Variants in AP3S1 observed in about 807,000 individuals in gnomAD.
AP3S1 encodes the protein adaptor related protein complex 3 subunit sigma 1, also known as AP-3 complex subunit sigma-1.
In AP3S1, 12 loss-of-function variants were observed where a neutral mutation model predicts 21.3. The ratio of observed to expected loss-of-function variants is 0.56; its 90% CI spans 0.36 to 0.91. AP3S1 has a LOEUF of 0.91. Ranked by LOEUF, AP3S1 falls within the 40% of genes least tolerant of loss-of-function variation. The pLI is 0.01. For missense variants in AP3S1, 116 were observed against 225.0 expected, an observed-to-expected ratio of 0.52 and a Z score of 3.10; for synonymous variants, 48 against 78.4, an observed-to-expected ratio of 0.61 and a Z score of 2.05.
intron 3 of AP3S1, 120 bp downstream of exon 3, chr5:115,870,248 G>T (rs1748108336): frequency 1.6e-6 from 1 of 612,506 alleles, no homozygotes; most frequent in Non-Finnish European, 2.8e-6. Flanking sequence ...TTTCATAATA[G>T]ATATTGTGTT....
At position 115,864,321 on chromosome 5, in the gene AP3S1, A is replaced by G. The variant is rs1186411642; in HGVS notation, c.70-2349A>G. Reference sequence around the variant, plus strand: ...GTGACTGCCTTTTAAAGTTTTTTTGATATTGGACAATCCCCCTGGCATCCC... The same window carrying G: ...GTGACTGCCTTTTAAAGTTTTTTTGGTATTGGACAATCCCCCTGGCATCCC... On this transcript the variant is annotated intron_variant, in intron 1 of 5. Transcript: ENST00000316788. 3.9e-5 allele frequency among the ~76,000 whole-genome samples: 6 copies of G among 152,238 alleles called. No individual in the cohort carries two copies. The South Asian group carries it at 1.0e-3, about 26-fold the overall frequency.
chr5:115,898,367 C>G (rs1240471748), intron 4 of AP3S1, among the ~76,000 whole-genome samples: 3 of 152,166 alleles, frequency 2.0e-5, no homozygotes, highest in Non-Finnish European at 4.4e-5. Flanking sequence ...TTTTATAAAT[C>G]TTTACATGCT....
At chr5:115,875,429 G>A (rs1259321538) in intron 3 of AP3S1, among the ~76,000 whole-genome samples, 5 of 152,192 alleles carry the variant, frequency 3.3e-5, no homozygotes, top group African/African-American at 1.2e-4. Context: ...CTATCATGAT[G>A]GTAGGCCTGA....
At chr5:115,899,333 TAGAA>T (rs1389597068) in intron 4 of AP3S1, among the ~76,000 whole-genome samples, 4 of 152,122 alleles carry the variant, frequency 2.6e-5, no homozygotes, top group Admixed American at 2.0e-4. Context: ...AGTAAGCCAA[TAGAA>T]AGAAAGCACT....
intron 1 of AP3S1, among the ~76,000 whole-genome samples, chr5:115,845,969 C>G (rs1267787416): frequency 7.2e-6 from 1 of 139,854 alleles, no homozygotes; most frequent in Non-Finnish European, 1.5e-5. Flanking sequence ...CTTGGTTTGT[C>G]TTTTTAAGTT....
chr5:115,888,046 G>T (rs1427387946), intron 3 of AP3S1, among the ~76,000 whole-genome samples: 1 of 151,894 alleles, frequency 6.6e-6, no homozygotes, highest in Non-Finnish European at 1.5e-5. Flanking sequence ...TATTCTTTTT[G>T]TAAATTGGAA....
chr5:115,885,875 C>T (rs1749736216), intron 3 of AP3S1, among the ~76,000 whole-genome samples: 1 of 152,156 alleles, frequency 6.6e-6, no homozygotes, highest in African/African-American at 2.4e-5. Context: ...TATTTCTTCA[C>T]TTAAAAGGAA....
intron 1 of AP3S1, 33 bp from the exon 2 acceptor site, chr5:115,866,637 C>T: frequency 6.9e-7 from 1 of 1,443,490 alleles, no homozygotes; most frequent in South Asian, 1.3e-5. Context: ...CCTATACACT[C>T]CATCCTAATA....
intron 3 of AP3S1, among the ~76,000 whole-genome samples, chr5:115,873,624 T>G (rs948972940): frequency 6.6e-6 from 1 of 152,112 alleles, no homozygotes; most frequent in African/African-American, 2.4e-5. Flanking sequence ...TGAGCACACA[T>G]GAGTCAGTCA....
At chr5:115,881,675 G>A (rs1326124942) in intron 3 of AP3S1, among the ~76,000 whole-genome samples, 1 of 152,106 alleles carries the variant, frequency 6.6e-6, no homozygotes, top group Non-Finnish European at 1.5e-5. Flanking sequence ...TGACGATTAT[G>A]TGTCTTGGGG....
At chr5:115,855,254 G>T (rs922632724) in intron 1 of AP3S1, among the ~76,000 whole-genome samples, 1 of 151,998 alleles carries the variant, frequency 6.6e-6, no homozygotes, top group Non-Finnish European at 1.5e-5. Flanking sequence ...GATCAGGCTG[G>T]TTTTGAACTC....
chr5:115,860,173 A>G (rs1763071592), intron 1 of AP3S1, among the ~76,000 whole-genome samples: 1 of 152,200 alleles, frequency 6.6e-6, no homozygotes, highest in Non-Finnish European at 1.5e-5. Flanking sequence ...ATAGCAGTAT[A>G]TCTGTGATTC....
chr5:115,871,390 A>C (rs1748228574), intron 3 of AP3S1, among the ~76,000 whole-genome samples: 1 of 152,098 alleles, frequency 6.6e-6, no homozygotes, highest in Admixed American at 6.6e-5. Context: ...GTGTCTTCAA[A>C]ATCTGGAACT....
chr5:115,892,066 T>G (rs934287664), intron 3 of AP3S1, among the ~76,000 whole-genome samples: 6 of 152,232 alleles, frequency 3.9e-5, no homozygotes, highest in Non-Finnish European at 8.8e-5. Flanking sequence ...GAAAAGGTGT[T>G]CAACATCATT....
At chr5:115,883,568 G>C (rs1302704672) in intron 3 of AP3S1, among the ~76,000 whole-genome samples, 1 of 152,090 alleles carries the variant, frequency 6.6e-6, no homozygotes, top group Non-Finnish European at 1.5e-5. Context: ...GATGAGCCAG[G>C]TACCTCGGTT....
At chr5:115,843,550 C>A (rs529862589) in intron 1 of AP3S1, among the ~76,000 whole-genome samples, 1 of 152,286 alleles carries the variant, frequency 6.6e-6, no homozygotes, top group African/African-American at 2.4e-5. Flanking sequence ...GGAAAAAATG[C>A]CATTAACTTT....
At chr5:115,885,989 C>G (rs763897391) in intron 3 of AP3S1, among the ~76,000 whole-genome samples, 4 of 152,058 alleles carry the variant, frequency 2.6e-5, no homozygotes, top group East Asian at 3.8e-4. Flanking sequence ...TCCATATTTT[C>G]TAAATGATCA....
chr5:115,868,152 G>C (rs1377880914), intron 2 of AP3S1, among the ~76,000 whole-genome samples: 1 of 152,152 alleles, frequency 6.6e-6, no homozygotes, highest in Non-Finnish European at 1.5e-5. Context: ...ATAGCTTAAA[G>C]ATAAGATTAT....
At chr5:115,909,751 G>C (rs768187130) in intron 5 of AP3S1, among the ~76,000 whole-genome samples, 1 of 151,938 alleles carries the variant, frequency 6.6e-6, no homozygotes, top group Non-Finnish European at 1.5e-5. Flanking sequence ...TTACTTTTAC[G>C]TTTAAAAATG....
Sources: gnomAD v4.1 joint callset for allele counts (sites outside exome capture counted in the v4.1 genomes callset) on GRCh38, gnomAD v4.1.1 for gene constraint, MANE v1.5 for transcripts, NCBI Gene and HGNC (gene_info 2026-07-23, HGNC 2026-07-21) for gene names.